Variants in ANKRD30A observed in about 807,000 individuals in gnomAD.
The protein encoded by ANKRD30A is ankyrin repeat domain 30A, also known as ankyrin repeat domain-containing protein 30A.
Under a neutral mutation model 166.3 loss-of-function variants are expected in ANKRD30A, and 170 were observed. The observed-to-expected ratio is 1.02, with a 90% CI of 0.90 to 1.16. The LOEUF is 1.16. ANKRD30A is among the 50% of genes most tolerant of loss of function. ANKRD30A has a pLI of 0.00. For synonymous variants in ANKRD30A, 564 were observed against 508.9 expected, an observed-to-expected ratio of 1.11 and a Z score of -1.46; for missense variants, 1,630 against 1,518.0, an observed-to-expected ratio of 1.07 and a Z score of -1.23.
chr10:37,178,209 C>T (rs1194771901), intron 24 of ANKRD30A, among the ~76,000 whole-genome samples: 1 of 151,194 alleles, frequency 6.6e-6, no homozygotes, highest in Admixed American at 6.6e-5. Context: ...AGAATTACAG[C>T]AAAAATATTC....
intron 6 of ANKRD30A, among the ~76,000 whole-genome samples, chr10:37,141,050 C>T (rs1837064638): frequency 6.6e-6 from 1 of 151,964 alleles, no homozygotes; most frequent in South Asian, 2.1e-4. Flanking sequence ...AAGCATCTTC[C>T]TTGTTATTAT....
chr10:37,232,237 GT>G lies in ANKRD30A; in HGVS notation c.*212-252del, dbSNP rs113897887. Among the ~76,000 whole-genome samples, 452 of 146,996 alleles carry G rather than the reference GT, an allele frequency of 3.1e-3. 4 individuals carry two copies. The highest frequency in any genetic ancestry group is 5.4e-3 in the East Asian group (27 of 4,958). On this transcript the variant is annotated intron_variant, in intron 35 of 35. Transcript: ENST00000361713. ...GTTTTGTTTTAAAGCTAAAAGTCTT[GT>G]TTTTTTTTTAACACAAGACTGGATC... is the stretch of plus-strand genomic sequence containing the variant.
downstream of ANKRD30A, among the ~76,000 whole-genome samples, chr10:37,233,083 T>C (rs1169481358): frequency 6.6e-6 from 1 of 152,082 alleles, no homozygotes. Flanking sequence ...TGTATGCTTA[T>C]GTTAAATGAA....
chr10:37,200,362 T>C (rs1481134533), intron 30 of ANKRD30A, among the ~76,000 whole-genome samples: 2 of 151,974 alleles, frequency 1.3e-5, no homozygotes, highest in East Asian at 1.9e-4. Context: ...TTTTGAAAAA[T>C]ATAAATTATA....
rs767762080 is a variant in ANKRD30A, at chr10:37,219,636, T to C, written c.3924T>C (p.Asn1308=). 8 of 1,610,014 alleles carry C rather than the reference T, an allele frequency of 5.0e-6. No individual in the cohort carries two copies. Among genetic ancestry groups the C allele is most frequent in the South Asian group, 2.2e-5 (2 of 90,934 alleles). Residue 1308 remains asparagine, a synonymous_variant, in exon 34 of 36, where the codon AAT becomes AAC. Coordinates refer to ENST00000361713, the MANE Select transcript of ANKRD30A (RefSeq NM_052997.3). ...AEHMYQNEQD[N]VNKHTEQQES... ...ACATGTATCAAAACGAACAAGATAA[T>C]GTGAACAAACACACTGAACAGCAGG...
At chr10:37,143,372 G>A (rs1837288351) in intron 7 of ANKRD30A, among the ~76,000 whole-genome samples, 1 of 152,050 alleles carries the variant, frequency 6.6e-6, no homozygotes. Context: ...AATATGTTAG[G>A]CCGCTGGGCA....
chr10:37,202,597 C>A (rs1003913796), intron 31 of ANKRD30A, among the ~76,000 whole-genome samples: 1 of 152,108 alleles, frequency 6.6e-6, no homozygotes, highest in Non-Finnish European at 1.5e-5. Context: ...CAAGAGCAAA[C>A]ACATTCAAAA....
intron 31 of ANKRD30A, among the ~76,000 whole-genome samples, chr10:37,210,050 GT>G (rs1186315350): frequency 6.6e-6 from 1 of 151,970 alleles, no homozygotes; most frequent in East Asian, 1.9e-4. Context: ...TTCCATGGTG[GT>G]TTGCTGTACC....
rs949764431 is a variant in ANKRD30A at position 37,139,005 on chromosome 10, C to T, written c.820+2334C>T. ...GGTCGGGTTACCCACAAAGGGAAGC[C>T]CATCAGACTAACAGCTGATGTCTCG... On this transcript the variant is annotated intron_variant, in intron 6 of 35. Coordinates refer to ENST00000361713, the MANE Select transcript of ANKRD30A (RefSeq NM_052997.3). Among the ~76,000 whole-genome samples the T allele has an allele frequency of 3.3e-4, 50 of 152,186 alleles. 1 individual carries two copies. The highest frequency in any genetic ancestry group is 1.1e-3 in the African/African-American group (45 of 41,532).
chr10:37,179,013 A>AATATATATATAT (rs139390228), intron 24 of ANKRD30A, among the ~76,000 whole-genome samples: 43 of 116,818 alleles, frequency 3.7e-4, no homozygotes, highest in African/African-American at 5.7e-4. Context: ...TGAGGCGTCA[A>AATATATATATAT]ATATATATAT....
In ANKRD30A at chr10:37,125,927, C is replaced by T. The variant is rs74414213; in HGVS notation, c.140C>T (p.Ser47Phe). 2,436 of 1,611,576 alleles carry T rather than the reference C, an allele frequency of 1.5e-3. 34 individuals carry two copies. In the African/African-American group the frequency reaches 0.03, roughly 20 times the overall value. The change falls in exon 1 of 36, where the codon TCC becomes TTC. Residue 47 changes from serine to phenylalanine, a missense_variant. Coordinates refer to ENST00000361713, the MANE Select transcript of ANKRD30A (RefSeq NM_052997.3). ...GDLRKIHKAA[S>F]RGQVRKLEKM... ...CTTAGAAAGATCCATAAAGCTGCCT[C>T]CCGGGGACAAGTCCGGAAGCTGGAG...
At chr10:37,256,074 G>T in the ANKRD30A span, among the ~76,000 whole-genome samples, 1 of 152,106 alleles carries the variant, frequency 6.6e-6, no homozygotes, top group Non-Finnish European at 1.5e-5. Flanking sequence ...AGCGCTGTCT[G>T]TATTCAGACT....
chr10:37,254,884 G>A, the ANKRD30A span, among the ~76,000 whole-genome samples: 31 of 151,782 alleles, frequency 2.0e-4, no homozygotes, highest in African/African-American at 7.0e-4. Flanking sequence ...GGGCTTCACC[G>A]TGTTAGCCAG....
chr10:37,149,818 T>G lies in ANKRD30A; in HGVS notation c.1614T>G (p.Phe538Leu), dbSNP rs201360743. The change falls in exon 11 of 36, where the codon TTT becomes TTG. Residue 538 changes from phenylalanine to leucine, a missense_variant. Around this residue, in one of 4 missense-constraint regions of ANKRD30A, gnomAD observed 904 missense variants for 818.5 expected, o/e 1.10. Coordinates refer to ENST00000361713, the MANE Select transcript of ANKRD30A (RefSeq NM_052997.3). The stretch of plus-strand genomic sequence containing the variant: ...AAAACTCTGTTCCAAATAAAGCCTT[T>G]GAATTGAAGAATGAACAAACATTGA... ...EMQNSVPNKAFELKNEQTLRA... is the reference protein window; with the variant it reads ...EMQNSVPNKALELKNEQTLRA... The G allele has an allele frequency of 4.2e-4, 682 of 1,612,810 alleles. 2 individuals carry two copies. The African/African-American group carries it at 5.3e-3, about 12-fold the overall frequency.
chr10:37,215,200 A>G (rs1842541173), intron 31 of ANKRD30A, among the ~76,000 whole-genome samples: 1 of 151,402 alleles, frequency 6.6e-6, no homozygotes, highest in Non-Finnish European at 1.5e-5. Context: ...CCCACACCTG[A>G]GGGGCAAGGC....
At chr10:37,193,604 T>A (rs1344098911) in intron 27 of ANKRD30A, among the ~76,000 whole-genome samples, 1 of 152,114 alleles carries the variant, frequency 6.6e-6, no homozygotes, top group African/African-American at 2.4e-5. Flanking sequence ...GGAATTCTGA[T>A]GTTTACTTAG....
Position 37,195,774 on chromosome 10 carries a change from A to G in ANKRD30A, c.2615-1507A>G, listed in dbSNP as rs1841033869. Among the ~76,000 whole-genome samples the G allele has an allele frequency of 3.9e-5, 6 of 152,062 alleles. No individual in the cohort carries two copies. The South Asian group carries it at 1.2e-3, about 32-fold the overall frequency. ...CCGGACGTGGTGGCACGCATTTCTAATAATTTCTCAGGCGATGCTGCTGCT... is the reference window on the plus strand; with the variant it reads ...CCGGACGTGGTGGCACGCATTTCTAGTAATTTCTCAGGCGATGCTGCTGCT... On this transcript the variant is annotated intron_variant, in intron 27 of 35. Transcript: ENST00000361713.
the ANKRD30A span, among the ~76,000 whole-genome samples, chr10:37,245,897 G>C: frequency 6.6e-6 from 1 of 152,172 alleles, no homozygotes; most frequent in Non-Finnish European, 1.5e-5. Flanking sequence ...ACAGTTCCTA[G>C]AGGCTGGTCA....
At chr10:37,247,761 A>C in the ANKRD30A span, among the ~76,000 whole-genome samples, 1 of 151,312 alleles carries the variant, frequency 6.6e-6, no homozygotes, top group Non-Finnish European at 1.5e-5. Flanking sequence ...GGGCGCCTGT[A>C]GTCCCAGCTA....
Sources: allele counts gnomAD v4.1 joint callset (sites outside exome capture counted in the v4.1 genomes callset), GRCh38; gene constraint gnomAD v4.1.1; regional missense constraint gnomAD v4.1.1; transcripts MANE v1.5; gene names NCBI Gene and HGNC (gene_info 2026-07-23, HGNC 2026-07-21).